TRAF3IP2: variants seen among roughly 807,000 people sequenced by gnomAD.
TRAF3IP2 encodes E3 ubiquitin ligase TRAF3IP2.
Under a neutral mutation model 57.9 loss-of-function variants are expected in TRAF3IP2, and 35 were observed. The observed-to-expected ratio is 0.60, with a 90% CI of 0.46 to 0.80. The LOEUF is 0.80. Among genes scored for constraint, TRAF3IP2 ranks in the 30% least tolerant of loss-of-function variants. The pLI is 0.00. For missense variants in TRAF3IP2, 556 were observed against 706.4 expected, an observed-to-expected ratio of 0.79 and a Z score of 2.41; for synonymous variants, 251 against 268.9, an observed-to-expected ratio of 0.93 and a Z score of 0.65.
At chr6:111,589,420 T>C (rs575301409) in intron 2 of TRAF3IP2, among the ~76,000 whole-genome samples, 2 of 152,336 alleles carry the variant, frequency 1.3e-5, no homozygotes, top group South Asian at 2.1e-4. Context: ...GTTTATGGTA[T>C]TATTCTCACA....
intron 2 of TRAF3IP2, among the ~76,000 whole-genome samples, chr6:111,584,023 T>C (rs1796253995): frequency 6.6e-6 from 1 of 152,246 alleles, no homozygotes; most frequent in African/African-American, 2.4e-5. Context: ...AAGCCATTTT[T>C]CTTCCTATAT....
intron 5 of TRAF3IP2, 188 bp downstream of exon 5, chr6:111,572,707 C>T: frequency 1.7e-6 from 1 of 593,376 alleles, no homozygotes; most frequent in Admixed American, 3.0e-5. Context: ...GAAAAAAATG[C>T]TGGAGACTTC....
At position 111,591,271 on chromosome 6, in the gene TRAF3IP2, A is replaced by G; in HGVS notation, c.816T>C (p.Asp272=). The change falls in exon 2 of 9, where the codon GAT becomes GAC. Residue 272 remains aspartate (D), a synonymous_variant. Transcript: ENST00000368761. The surrounding 1 kb of genome is among the most constrained non-coding windows in gnomAD (Gnocchi z 4.9). The part of the protein sequence containing the change: ...NYHYHCPGSP[D]HQVPYGHDYP... ...AAGATCACTTACATGGCACCTGGTG[A>G]TCGGGACTTCCAGGACAATGGTAAT... 7 of 1,487,802 alleles carry G rather than the reference A, an allele frequency of 4.7e-6. No individual in the cohort carries two copies. The highest frequency in any genetic ancestry group is 6.3e-6 in the Non-Finnish European group (7 of 1,117,102). 92.2% of individuals were successfully genotyped at this position (1,487,802 alleles called of 1,614,324 possible). A position where few individuals can be genotyped will look rare whatever the true frequency, so the allele number is the denominator to read the frequency against.
intron 5 of TRAF3IP2, among the ~76,000 whole-genome samples, chr6:111,570,587 C>A (rs1795796820): frequency 6.6e-6 from 1 of 152,166 alleles, no homozygotes. Flanking sequence ...AGATGAGGGT[C>A]AGGGACAGAT....
chr6:111,584,389 C>T (rs2128379336), intron 2 of TRAF3IP2, among the ~76,000 whole-genome samples: 1 of 152,352 alleles, frequency 6.6e-6, no homozygotes, highest in East Asian at 1.9e-4. Flanking sequence ...GTCCTCCATG[C>T]TGTCCTTTTA....
chr6:111,561,029 A>G (rs1334437558), intron 8 of TRAF3IP2, among the ~76,000 whole-genome samples: 4 of 152,120 alleles, frequency 2.6e-5, no homozygotes, highest in Non-Finnish European at 5.9e-5. Context: ...TAAACATACA[A>G]AAATTAGCTG....
chr6:111,582,449 G>T (rs756641307), intron 2 of TRAF3IP2, among the ~76,000 whole-genome samples: 24 of 152,160 alleles, frequency 1.6e-4, no homozygotes, highest in Non-Finnish European at 1.5e-4. Context: ...AAAGGAGACT[G>T]GGACTTGAAG....
At chr6:111,564,658 C>T (rs1583215091) in intron 7 of TRAF3IP2, among the ~76,000 whole-genome samples, 1 of 152,204 alleles carries the variant, frequency 6.6e-6, no homozygotes, top group African/African-American at 2.4e-5. Context: ...TGTCTGACCT[C>T]TTCGACCCCT....
At chr6:111,594,644 G>T (rs974830583) in intron 1 of TRAF3IP2, 1 of 349,444 alleles carries the variant, frequency 2.9e-6, no homozygotes, top group African/African-American at 2.2e-5. Context: ...GCTGGGCGTG[G>T]TGGCTCACAC....
At chr6:111,601,204 T>C in intron 1 of TRAF3IP2, 2 of 779,442 alleles carry the variant, frequency 2.6e-6, no homozygotes, top group East Asian at 2.4e-5. Context: ...ACCTTGAAGC[T>C]GAGGAGGCAT....
At chr6:111,570,771 G>A (rs1025055197) in intron 5 of TRAF3IP2, among the ~76,000 whole-genome samples, 3 of 152,144 alleles carry the variant, frequency 2.0e-5, no homozygotes, top group Admixed American at 6.5e-5. Flanking sequence ...TTGTTATATT[G>A]CCCAGGCTGG....
chr6:111,559,125 A>ACAT lies in TRAF3IP2; in HGVS notation c.*277_*279dup, dbSNP rs1354631980. 2.8e-6 allele frequency: 1 copy of ACAT among 357,932 alleles called. No individual in the cohort carries two copies. Among genetic ancestry groups the ACAT allele is most frequent in the Non-Finnish European group, 5.1e-6 (1 of 196,870 alleles). 22.2% of individuals were successfully genotyped at this position (357,932 alleles called of 1,614,324 possible). ...AAGCACTGAGAGGCCCAGAATGGAC[A>ACAT]CATCAAACTGTCAGGAGGAACATAT... is the stretch of plus-strand genomic sequence containing the variant. On this transcript the variant is annotated 3_prime_UTR_variant, in exon 9 of 9. Coordinates refer to ENST00000368761, the MANE Select transcript of TRAF3IP2 (RefSeq NM_147686.4).
intron 1 of TRAF3IP2, chr6:111,601,093 TG>T: frequency 3.2e-6 from 2 of 622,136 alleles, no homozygotes. Flanking sequence ...GCATCTCGGT[TG>T]GGAGCACTGA....
intron 2 of TRAF3IP2, among the ~76,000 whole-genome samples, chr6:111,583,671 A>G (rs1796233960): frequency 6.6e-6 from 1 of 152,222 alleles, no homozygotes; most frequent in Non-Finnish European, 1.5e-5. Context: ...GAGTTGTATA[A>G]TTATTTCATT....
intron 1 of TRAF3IP2, chr6:111,600,163 G>A (rs1344456486): frequency 6.6e-6 from 1 of 152,126 alleles, no homozygotes; most frequent in Non-Finnish European, 1.5e-5. Flanking sequence ...AAAAGCAATG[G>A]CCATTTTGTT....
chr6:111,599,408 C>T (rs1326195822), intron 1 of TRAF3IP2, among the ~76,000 whole-genome samples: 3 of 152,172 alleles, frequency 2.0e-5, no homozygotes, highest in South Asian at 2.1e-4. Flanking sequence ...CCTAGTTTTG[C>T]GAATAATGTC....
Position 111,591,973 on chromosome 6 carries a change from A to T in TRAF3IP2, c.114T>A (p.Asn38Lys). 6.2e-7 allele frequency: 1 copy of T among 1,614,156 alleles called. No individual in the cohort carries two copies. Among genetic ancestry groups the T allele is most frequent in the Non-Finnish European group, 8.5e-7 (1 of 1,180,032 alleles). Residue 38 changes from asparagine (N) to lysine (K), a missense_variant, in exon 2 of 9, where the codon AAT becomes AAA. Physicochemically the swap from Asn to Lys is moderately conservative, Grantham distance 94. Transcript: ENST00000368761. This position sits in a 1 kb window ranked among gnomAD's most constrained non-coding sequence, Gnocchi z 4.9. ...PEEESEPPAP[N>K]IRNMAPNSLS... ...AGCTGTTGGGTGCCATGTTCCTTAT[A>T]TTTGGAGCAGGTGGTTCTGATTCCT...
Position 111,591,982 on chromosome 6 carries a change from A to G in TRAF3IP2, c.105T>C (p.Pro35=). Residue 35 remains proline, a synonymous_variant, in exon 2 of 9, where the codon CCT becomes CCC. Transcript: ENST00000368761. The surrounding 1 kb of genome is among the most constrained non-coding windows in gnomAD (Gnocchi z 4.9). The part of the protein sequence containing the change: ...EYSPEEESEP[P]APNIRNMAPN... The stretch of plus-strand genomic sequence containing the variant: ...GTGCCATGTTCCTTATATTTGGAGC[A>G]GGTGGTTCTGATTCCTCTTCCGGGG... 2 of 1,614,228 alleles carry G rather than the reference A, an allele frequency of 1.2e-6. No individual in the cohort carries two copies. Among genetic ancestry groups the G allele is most frequent in the Non-Finnish European group, 1.7e-6 (2 of 1,180,040 alleles).
chr6:111,605,014 A>G (rs1408551808), intron 1 of TRAF3IP2, among the ~76,000 whole-genome samples: 3 of 152,102 alleles, frequency 2.0e-5, no homozygotes, highest in Non-Finnish European at 4.4e-5. Flanking sequence ...TCATGGAACC[A>G]CAAGAAGTGA....
Sources: gnomAD v4.1 joint callset for allele counts (sites outside exome capture counted in the v4.1 genomes callset) on GRCh38, gnomAD v4.1.1 for gene constraint, Gnocchi (gnomAD v3.1) non-coding constraint, MANE v1.5 for transcripts, NCBI Gene and HGNC (gene_info 2026-07-23, HGNC 2026-07-21) for gene names.